FIRRM: variants seen among roughly 807,000 people sequenced by gnomAD.
FIRRM encodes the protein FIGNL1 interacting regulator of recombination and mitosis.
the FIRRM span, among the ~76,000 whole-genome samples, chr1:169,849,053 T>A: frequency 3.7e-3 from 565 of 152,322 alleles, 5 homozygotes; most frequent in African/African-American, 0.013. Context: ...AACATGATGA[T>A]ATGTGCAGTA....
the FIRRM span, among the ~76,000 whole-genome samples, chr1:169,822,050 A>AT: frequency 5.3e-5 from 8 of 152,192 alleles, no homozygotes; most frequent in East Asian, 1.9e-4. Context: ...GATAGAATTG[A>AT]TTTTTTCAGA....
At chr1:169,795,319 G>A in the FIRRM span, 64 of 1,430,714 alleles carry the variant, frequency 4.5e-5, no homozygotes, top group Non-Finnish European at 5.7e-5. Flanking sequence ...TTATATTACC[G>A]CGGCCTGAAC....
chr1:169,814,318 A>G, the FIRRM span, among the ~76,000 whole-genome samples: 1 of 152,264 alleles, frequency 6.6e-6, no homozygotes, highest in Non-Finnish European at 1.5e-5. Context: ...ATGCAGTATT[A>G]AATCATAACT....
At chr1:169,846,106 C>G in the FIRRM span, among the ~76,000 whole-genome samples, 1 of 152,208 alleles carries the variant, frequency 6.6e-6, no homozygotes, top group Non-Finnish European at 1.5e-5. Flanking sequence ...CCTTATACGT[C>G]TCCTTCAGAG....
chr1:169,842,726 T>A, the FIRRM span, among the ~76,000 whole-genome samples: 10 of 152,328 alleles, frequency 6.6e-5, no homozygotes, highest in East Asian at 1.9e-3. Flanking sequence ...TAGCATTATA[T>A]TAGTAAAATC....
At chr1:169,799,678 A>C in the FIRRM span, among the ~76,000 whole-genome samples, 2 of 152,000 alleles carry the variant, frequency 1.3e-5, no homozygotes, top group Non-Finnish European at 2.9e-5. Flanking sequence ...CAGTCTCCCA[A>C]GTAGCTGGGA....
At chr1:169,846,362 G>A in the FIRRM span, among the ~76,000 whole-genome samples, 1 of 152,082 alleles carries the variant, frequency 6.6e-6, no homozygotes, top group Non-Finnish European at 1.5e-5. Flanking sequence ...TTCAGCAGCT[G>A]CATTAGCCCC....
chr1:169,826,981 A>T, the FIRRM span: 42 of 1,393,352 alleles, frequency 3.0e-5, 1 homozygote, highest in South Asian at 5.3e-4. Context: ...ACATCAGTTT[A>T]TAGTACTTAC....
the FIRRM span, among the ~76,000 whole-genome samples, chr1:169,831,263 T>C: frequency 2.6e-5 from 4 of 152,166 alleles, no homozygotes; most frequent in Admixed American, 2.6e-4. Flanking sequence ...TTCATCATCT[T>C]AACATTAACA....
chr1:169,799,071 C>T, the FIRRM span: 2 of 410,594 alleles, frequency 4.9e-6, no homozygotes, highest in South Asian at 1.3e-4. Context: ...TGTAACTGTT[C>T]TCTATGTTAC....
At chr1:169,850,259 T>A in the FIRRM span, 287 of 1,596,842 alleles carry the variant, frequency 1.8e-4, 1 homozygote, top group African/African-American at 3.1e-3. Flanking sequence ...ATCAATTTTT[T>A]AATAGGGAAC....
At chr1:169,820,142 A>G in the FIRRM span, among the ~76,000 whole-genome samples, 1 of 152,256 alleles carries the variant, frequency 6.6e-6, no homozygotes, top group Admixed American at 6.5e-5. Flanking sequence ...GTCTCTGGGC[A>G]AGATGAAAGA....
the FIRRM span, among the ~76,000 whole-genome samples, chr1:169,805,366 G>T: frequency 6.6e-6 from 1 of 152,190 alleles, no homozygotes; most frequent in Non-Finnish European, 1.5e-5. Context: ...CATCCAGCAG[G>T]TTCACCCTAT....
the FIRRM span, among the ~76,000 whole-genome samples, chr1:169,813,356 T>C: frequency 7.2e-5 from 11 of 152,216 alleles, 1 homozygote; most frequent in Admixed American, 7.2e-4. Flanking sequence ...TCCAGGCAGA[T>C]GAATCTATAG....
the FIRRM span, among the ~76,000 whole-genome samples, chr1:169,786,131 A>AT: frequency 2.0e-5 from 3 of 152,112 alleles, no homozygotes. Flanking sequence ...TATAAATAAT[A>AT]TTTTTTTCCT....
the FIRRM span, among the ~76,000 whole-genome samples, chr1:169,824,702 C>T: frequency 7.9e-5 from 12 of 152,102 alleles, no homozygotes; most frequent in African/African-American, 2.9e-4. Flanking sequence ...CTTTTTTGAA[C>T]ACTTTGTTCT....
the FIRRM span, chr1:169,842,619 G>A: frequency 6.6e-7 from 1 of 1,512,634 alleles, no homozygotes; most frequent in Non-Finnish European, 8.9e-7. Context: ...ATTTTCCAGT[G>A]TAGAGTAAAA....
At chr1:169,831,049 G>C in the FIRRM span, among the ~76,000 whole-genome samples, 1 of 152,250 alleles carries the variant, frequency 6.6e-6, no homozygotes, top group African/African-American at 2.4e-5. Context: ...TAGAAAATAA[G>C]AGCGACTTAT....
At chr1:169,824,297 T>C in the FIRRM span, among the ~76,000 whole-genome samples, 1 of 152,206 alleles carries the variant, frequency 6.6e-6, no homozygotes, top group Non-Finnish European at 1.5e-5. Flanking sequence ...CCATTGTGCA[T>C]TGGATTTCAT....
Sources: allele counts gnomAD v4.1 joint callset (sites outside exome capture counted in the v4.1 genomes callset), GRCh38; gene constraint gnomAD v4.1.1; transcripts MANE v1.5; gene names NCBI Gene and HGNC (gene_info 2026-07-23, HGNC 2026-07-21).